Variants in USP30 observed in about 807,000 individuals in gnomAD.
USP30 encodes the protein ubiquitin specific peptidase 30.
A neutral mutation model predicts 68.2 loss-of-function variants in USP30; 41 were observed. The observed-to-expected ratio is 0.60, with a 90% CI of 0.47 to 0.78. The LOEUF is 0.78. USP30 is among the 30% of genes least tolerant of loss of function. USP30 has a pLI of 0.00. For synonymous variants in USP30, 229 were observed against 253.7 expected (o/e 0.90, Z 0.93); for missense variants, 522 against 649.4 (o/e 0.80, Z 2.13).
At chr12:109,052,441 A>C (rs2135691047), upstream of USP30, 1 of 389,102 alleles carries the variant, frequency 2.6e-6, no homozygotes, top group Non-Finnish European at 4.6e-6. Flanking sequence ...CAGCGTAGCA[A>C]CCGACGCCGG....
At chr12:109,083,567 T>G (rs2041866725) in intron 11 of USP30, among the ~76,000 whole-genome samples, 1 of 152,128 alleles carries the variant, frequency 6.6e-6, no homozygotes, top group Non-Finnish European at 1.5e-5. Context: ...CCGGTCTTAC[T>G]GATAAGAACA....
intron 1 of USP30, among the ~76,000 whole-genome samples, chr12:109,023,370 T>G (rs939440062): frequency 6.6e-6 from 1 of 152,020 alleles, no homozygotes; most frequent in Non-Finnish European, 1.5e-5. Context: ...CTGGCCAACA[T>G]GGCAAAACCT....
intron 3 of USP30, among the ~76,000 whole-genome samples, chr12:109,062,453 G>GC (rs1436108748): frequency 1.3e-5 from 2 of 149,286 alleles, no homozygotes; most frequent in South Asian, 2.2e-4. Context: ...TCCTGCCTCA[G>GC]CCCCCCGAGT....
upstream of USP30, among the ~76,000 whole-genome samples, chr12:109,048,312 T>C (rs753474257): frequency 6.6e-6 from 1 of 151,972 alleles, no homozygotes; most frequent in Non-Finnish European, 1.5e-5. Context: ...CTCAGACTCC[T>C]GGGTTCAAGG....
chr12:109,057,817 T>C (rs2040922620), intron 2 of USP30, 109 bp from the exon 3 acceptor site: 2 of 1,219,846 alleles, frequency 1.6e-6, no homozygotes, highest in East Asian at 4.7e-5. Flanking sequence ...TCTTCTTGGA[T>C]CGGGATTCCA....
intron 3 of USP30, among the ~76,000 whole-genome samples, chr12:109,029,259 A>G (rs1450032438): frequency 6.6e-6 from 1 of 152,360 alleles, no homozygotes; most frequent in East Asian, 1.9e-4. Flanking sequence ...AAGTGGTTCA[A>G]CTGTCAAAGA....
intron 2 of USP30, chr12:109,027,338 A>T (rs2040452144): frequency 6.6e-6 from 1 of 152,096 alleles, no homozygotes; most frequent in Non-Finnish European, 1.5e-5. Context: ...ACGTGCAGTG[A>T]TGCAATCACG....
chr12:109,057,513 C>T (rs544826437), intron 2 of USP30, among the ~76,000 whole-genome samples: 2 of 152,210 alleles, frequency 1.3e-5, no homozygotes, highest in South Asian at 4.1e-4. Flanking sequence ...GAATCATTGT[C>T]CTGGGGAAGT....
chr12:109,065,529 AGT>A (rs1194034906), intron 3 of USP30, among the ~76,000 whole-genome samples: 2 of 152,176 alleles, frequency 1.3e-5, no homozygotes, highest in Non-Finnish European at 2.9e-5. Context: ...TGTGGGGAAA[AGT>A]GGGGATCATT....
At chr12:109,066,146 G>A (rs1333721383) in intron 3 of USP30, among the ~76,000 whole-genome samples, 1 of 151,848 alleles carries the variant, frequency 6.6e-6, no homozygotes, top group Non-Finnish European at 1.5e-5. Context: ...CAGCTGCTCA[G>A]GAGGCCAAGA....
chr12:109,082,390 AT>A, intron 9 of USP30: 1 of 539,990 alleles, frequency 1.9e-6, no homozygotes, highest in Non-Finnish European at 3.3e-6. Flanking sequence ...ATGGAACAGA[AT>A]TTTTGAAGAC....
chr12:109,082,266 T>G (rs955204283), intron 9 of USP30, among the ~76,000 whole-genome samples: 2 of 152,186 alleles, frequency 1.3e-5, no homozygotes, highest in Non-Finnish European at 2.9e-5. Flanking sequence ...CCCTCTCCAG[T>G]TTGCTGCAGT....
intron 7 of USP30, among the ~76,000 whole-genome samples, chr12:109,075,830 T>C (rs1007907785): frequency 7.0e-6 from 1 of 142,216 alleles, no homozygotes; most frequent in African/African-American, 2.5e-5. Flanking sequence ...TTTTTAATCA[T>C]GTTACTTTTT....
Position 109,081,625 on chromosome 12 carries a change from A to C in USP30, c.780+232A>C, listed in dbSNP as rs11068749. 4.1e-5 allele frequency: 8 copies of C among 194,596 alleles called. No individual in the cohort carries two copies. The East Asian group carries it at 6.8e-4, about 17-fold the overall frequency. The allele number at this position is 194,596 out of a possible 1,614,324, so 12.1% of individuals were successfully genotyped here. A position where few individuals can be genotyped will look rare whatever the true frequency, so the allele number is the denominator to read the frequency against. Reference sequence around the variant, plus strand: ...TGAATACACACGCACGCATGCGCGCACACACACACACACACACACACACAC... The same window carrying C: ...TGAATACACACGCACGCATGCGCGCCCACACACACACACACACACACACAC... On this transcript the variant is annotated intron_variant, in intron 8 of 12. Transcript: ENST00000257548.
At chr12:109,030,656 C>T (rs2040474192) in intron 3 of USP30, among the ~76,000 whole-genome samples, 2 of 152,182 alleles carry the variant, frequency 1.3e-5, no homozygotes, top group East Asian at 3.9e-4. Flanking sequence ...CTCACTCTGT[C>T]GCCAGGCTGG....
intron 3 of USP30, among the ~76,000 whole-genome samples, chr12:109,031,069 C>T (rs2040477331): frequency 6.6e-6 from 1 of 151,790 alleles, no homozygotes; most frequent in African/African-American, 2.4e-5. Context: ...CAAAATTATT[C>T]CAAAATAAAA....
intron 3 of USP30, among the ~76,000 whole-genome samples, chr12:109,045,483 C>T (rs559630762): frequency 3.5e-4 from 54 of 152,126 alleles, no homozygotes; most frequent in African/African-American, 1.1e-3. Context: ...GGGCTCAGGT[C>T]GGAGGCAGAA....
rs561301046 is a variant in USP30, at chr12:109,085,642, C to A, written c.1290-25C>A. ...AGTCTTTTTGTTAAAATTGTAAACC[C>A]CTGACATGTGTTCGTATCATTCAGC... On this transcript the variant is annotated intron_variant, in intron 12 of 12. Coordinates refer to ENST00000257548, the MANE Select transcript of USP30 (RefSeq NM_032663.5). 6.8e-6 allele frequency: 11 copies of A among 1,610,100 alleles called. No homozygotes were observed. In the South Asian group the frequency reaches 7.7e-5, roughly 11 times the overall value.
rs898613649 is a variant in USP30 at position 109,060,538 on chromosome 12, G to GA, written c.376+2440dup. On this transcript the variant is annotated intron_variant, in intron 3 of 12. Coordinates refer to ENST00000257548, the MANE Select transcript of USP30 (RefSeq NM_032663.5). ...GTTTTTTTAGCCCATTCCTGGTTTA[G>GA]AAAAAAAAAATGTGCAACTCGCTGC... Among the ~76,000 whole-genome samples the GA allele has an allele frequency of 2.3e-3, 346 of 148,996 alleles. 2 individuals carry two copies. Among genetic ancestry groups the GA allele is most frequent in the Middle Eastern group, 0.01 (3 of 288 alleles).
Sources: allele counts gnomAD v4.1 joint callset (sites outside exome capture counted in the v4.1 genomes callset), GRCh38; gene constraint gnomAD v4.1.1; transcripts MANE v1.5; gene names NCBI Gene and HGNC (gene_info 2026-07-23, HGNC 2026-07-21).